MGAT5: variants seen among roughly 807,000 people sequenced by gnomAD.
MGAT5 encodes alpha-1,6-mannosylglycoprotein 6-beta-N-acetylglucosaminyltransferase, also known as alpha-1,6-mannosylglycoprotein 6-beta-N-acetylglucosaminyltransferase A.
MGAT5 carries 30 observed loss-of-function variants against 94.3 expected under a neutral mutation model. That is an observed-to-expected ratio of 0.32 (90% CI 0.24 to 0.43). The LOEUF (loss-of-function observed/expected upper bound fraction) is 0.43. MGAT5 is among the 20% of genes least tolerant of loss of function. The pLI, the probability that MGAT5 is intolerant of heterozygous loss-of-function variation, is 1.00. For synonymous variants in MGAT5, 310 were observed against 322.9 expected (o/e 0.96, Z 0.43); for missense variants, 691 against 905.5 (o/e 0.76, Z 3.04).
chr2:134,161,820 A>G (rs945547818), intron 1 of MGAT5, among the ~76,000 whole-genome samples: 2 of 152,014 alleles, frequency 1.3e-5, no homozygotes, highest in African/African-American at 2.4e-5. Context: ...TTTTCTTTCT[A>G]GAAGGACCTT....
intron 2 of MGAT5, 90 bp downstream of exon 2, chr2:134,270,640 A>T: frequency 7.8e-7 from 1 of 1,288,982 alleles, no homozygotes; most frequent in Non-Finnish European, 1.1e-6. Context: ...TCTTACTGGA[A>T]CCTGCATAAT....
intron 1 of MGAT5, among the ~76,000 whole-genome samples, chr2:134,142,231 T>G (rs919947774): frequency 1.3e-5 from 2 of 152,168 alleles, no homozygotes; most frequent in Non-Finnish European, 2.9e-5. Flanking sequence ...GGTTTAGGTG[T>G]TGTTGGCATT....
intron 2 of MGAT5, among the ~76,000 whole-genome samples, chr2:134,307,529 G>T (rs548995855): frequency 1.3e-5 from 2 of 151,944 alleles, no homozygotes; most frequent in Non-Finnish European, 2.9e-5. Context: ...GTTGCCTTCC[G>T]GTTTCCTGCT....
rs183240300 is a variant in MGAT5, at chr2:134,124,034, C to G, written c.-143+3743C>G. The stretch of plus-strand genomic sequence containing the variant: ...CCCTATACTGTTTTACATCCTATGT[C>G]AACATCCACATTTGTGACTGATGCT... On this transcript the variant is annotated intron_variant, in intron 1 of 16. Transcript: ENST00000409645. 2.7e-3 allele frequency among the ~76,000 whole-genome samples: 417 copies of G among 152,360 alleles called. 3 individuals carry two copies. Among genetic ancestry groups the G allele is most frequent in the African/African-American group, 9.7e-3 (402 of 41,578 alleles).
At chr2:134,387,727 A>G (rs1682119153) in intron 10 of MGAT5, among the ~76,000 whole-genome samples, 1 of 152,150 alleles carries the variant, frequency 6.6e-6, no homozygotes, top group South Asian at 2.1e-4. Context: ...TTGGTTCTGA[A>G]CAGCACAAAA....
intron 1 of MGAT5, among the ~76,000 whole-genome samples, chr2:134,230,841 CA>C (rs1681322303): frequency 6.6e-6 from 1 of 152,114 alleles, no homozygotes; most frequent in Non-Finnish European, 1.5e-5. Flanking sequence ...CACACACACA[CA>C]CACACCCATC....
intron 1 of MGAT5, among the ~76,000 whole-genome samples, chr2:134,255,700 C>G (rs1160259879): frequency 6.6e-6 from 1 of 151,776 alleles, no homozygotes; most frequent in Non-Finnish European, 1.5e-5. Context: ...AAGTGGTCTC[C>G]CTGATAGTAT....
Position 134,381,330 on chromosome 2 carries a change from C to CATAGATAGATAGATAGATAGATAG in MGAT5, c.1380+18938_1380+18961dup, listed in dbSNP as rs10637591. On this transcript the variant is annotated intron_variant, in intron 10 of 15. Coordinates refer to ENST00000281923, the MANE Select transcript of MGAT5 (RefSeq NM_002410.5). ...CTGGGCAGCATAGCAAGACCTGTCT[C>CATAGATAGATAGATAGATAGATAG]ATAGATAGATAGATAGATAGATAGA... 3.1e-3 allele frequency among the ~76,000 whole-genome samples: 210 copies of CATAGATAGATAGATAGATAGATAG among 67,840 alleles called. 4 individuals carry two copies. Among genetic ancestry groups the CATAGATAGATAGATAGATAGATAG allele is most frequent in the East Asian group, 0.016 (38 of 2,326 alleles). The allele number at this position is 67,840 out of a possible 152,430, so 44.5% of individuals were successfully genotyped here.
chr2:134,143,465 G>A (rs1398813836), intron 1 of MGAT5, among the ~76,000 whole-genome samples: 1 of 152,202 alleles, frequency 6.6e-6, no homozygotes, highest in African/African-American at 2.4e-5. Flanking sequence ...TTGTTTTCAT[G>A]ATCTTCCCAA....
chr2:134,315,954 A>G (rs898861390), intron 2 of MGAT5, among the ~76,000 whole-genome samples: 1 of 152,190 alleles, frequency 6.6e-6, no homozygotes, highest in Non-Finnish European at 1.5e-5. Context: ...CCTCCTTAGC[A>G]CTAACTTCTG....
At chr2:134,225,141 A>G (rs1157113319) in intron 1 of MGAT5, among the ~76,000 whole-genome samples, 1 of 150,714 alleles carries the variant, frequency 6.6e-6, no homozygotes, top group Non-Finnish European at 1.5e-5. Context: ...ATCTCAAGGC[A>G]CCGCATCAGG....
At chr2:134,358,254 T>G (rs1339943153) in intron 9 of MGAT5, among the ~76,000 whole-genome samples, 2 of 151,610 alleles carry the variant, frequency 1.3e-5, no homozygotes, top group Non-Finnish European at 2.9e-5. Context: ...TTAACTATAA[T>G]TCAATATTTT....
At chr2:134,133,471 C>T (rs1400099066) in intron 1 of MGAT5, among the ~76,000 whole-genome samples, 2 of 152,062 alleles carry the variant, frequency 1.3e-5, no homozygotes, top group Non-Finnish European at 2.9e-5. Flanking sequence ...AAGGATGGTC[C>T]CTGGCCCATT....
intron 10 of MGAT5, among the ~76,000 whole-genome samples, chr2:134,386,769 GA>G (rs1333598744): frequency 2.0e-5 from 3 of 152,156 alleles, no homozygotes; most frequent in Admixed American, 2.0e-4. Context: ...GCTGCCCCAA[GA>G]AAAAGTGAGA....
In MGAT5 at chr2:134,235,728, GT is replaced by G. The variant is rs10699301; in HGVS notation, c.-142-18522del. ...TTAAATCATTGTAATAATAATAGGG[GT>G]TTTTTTTTTTTGCATGGAGTGATTA... On this transcript the variant is annotated intron_variant, in intron 1 of 16. Transcript: ENST00000409645. Among the ~76,000 whole-genome samples, 646 of 146,754 alleles carry G rather than the reference GT, an allele frequency of 4.4e-3. 6 individuals carry two copies. Among genetic ancestry groups the G allele is most frequent in the African/African-American group, 8.8e-3 (352 of 40,212 alleles).
chr2:134,257,834 C>A (rs1247984438), intron 1 of MGAT5, among the ~76,000 whole-genome samples: 26 of 24,332 alleles, frequency 1.1e-3, no homozygotes, highest in Middle Eastern at 0.022. Flanking sequence ...AGTTTGCAGT[C>A]TCTTTTTTTT....
chr2:134,175,583 C>G (rs1025778685), intron 1 of MGAT5, among the ~76,000 whole-genome samples: 1 of 152,154 alleles, frequency 6.6e-6, no homozygotes, highest in Admixed American at 6.5e-5. Context: ...GAGAGAATCC[C>G]CTTCCTCTTT....
chr2:134,139,295 G>T (rs1686559473), intron 1 of MGAT5, among the ~76,000 whole-genome samples: 1 of 152,228 alleles, frequency 6.6e-6, no homozygotes, highest in African/African-American at 2.4e-5. Context: ...CATCTTCATA[G>T]CCTGTGGCTG....
At chr2:134,311,334 C>T (rs1686642826) in intron 2 of MGAT5, among the ~76,000 whole-genome samples, 2 of 151,982 alleles carry the variant, frequency 1.3e-5, no homozygotes, top group Admixed American at 1.3e-4. Context: ...GATGCCTGTC[C>T]AGAACTAGAT....
Sources: gnomAD v4.1 joint callset for allele counts (sites outside exome capture counted in the v4.1 genomes callset) on GRCh38, gnomAD v4.1.1 for gene constraint, MANE v1.5 for transcripts, NCBI Gene and HGNC (gene_info 2026-07-23, HGNC 2026-07-21) for gene names.